The following EPHA6 variants were observed in gnomAD, a reference collection of about 807,000 sequenced individuals.
EPHA6 encodes EPH receptor A6.
A neutral mutation model predicts 112.0 loss-of-function variants in EPHA6; 50 were observed. The observed-to-expected ratio is 0.45, with a 90% confidence interval of 0.36 to 0.56. EPHA6 has a LOEUF of 0.56. Among genes scored for constraint, EPHA6 ranks in the 20% least tolerant of loss-of-function variants. The probability of loss-of-function intolerance (pLI) is 0.00; values close to 1 mark genes in which losing one functional copy is unlikely to be tolerated. For synonymous variants in EPHA6, 529 were observed against 490.7 expected (o/e 1.08, Z -1.03); for missense variants, 1,280 against 1,417.4 (o/e 0.90, Z 1.56).
At chr3:97,071,835 C>A (rs1012456122) in intron 3 of EPHA6, among the ~76,000 whole-genome samples, 1 of 151,988 alleles carries the variant, frequency 6.6e-6, no homozygotes, top group Non-Finnish European at 1.5e-5. Context: ...GAGCTCTATA[C>A]CCTGTACCCA....
chr3:97,563,548 T>C (rs978113751), intron 11 of EPHA6, among the ~76,000 whole-genome samples: 3 of 152,178 alleles, frequency 2.0e-5, no homozygotes, highest in Admixed American at 6.6e-5. Context: ...GAGAGTGACA[T>C]TATCAGATGT....
intron 2 of EPHA6, among the ~76,000 whole-genome samples, chr3:96,872,235 C>T (rs940031818): frequency 2.0e-5 from 3 of 152,006 alleles, no homozygotes; most frequent in East Asian, 1.9e-4. Context: ...GCAAAGCCAG[C>T]GTTTGTTTCT....
At chr3:97,386,803 C>T (rs2086096846) in intron 5 of EPHA6, among the ~76,000 whole-genome samples, 1 of 152,202 alleles carries the variant, frequency 6.6e-6, no homozygotes, top group Admixed American at 6.5e-5. Flanking sequence ...ATGGCTCTTC[C>T]CCTGCAACAG....
At chr3:96,922,901 G>A (rs1168846486) in intron 2 of EPHA6, among the ~76,000 whole-genome samples, 1 of 152,178 alleles carries the variant, frequency 6.6e-6, no homozygotes, top group East Asian at 1.9e-4. Flanking sequence ...AGAACATGCA[G>A]TATTTGGTTT....
chr3:96,842,798 T>G (rs529014289), intron 1 of EPHA6, among the ~76,000 whole-genome samples: 1 of 152,174 alleles, frequency 6.6e-6, no homozygotes, highest in East Asian at 1.9e-4. Context: ...AGCAGCATCA[T>G]TTTGTCCAGA....
Position 97,638,023 on chromosome 3 carries a change from T to G in EPHA6, c.2725T>G (p.Ser909Ala). ...CAATAGCAACTTAGTATGCAAAGTT[T>G]CTGATTTTGGTCTCTCCAGAGTGCT... Reference protein sequence around the residue: ...LVNSNLVCKVSDFGLSRVLED... With the variant: ...LVNSNLVCKVADFGLSRVLED... Residue 909 changes from serine to alanine, a missense_variant, in exon 14 of 18, where the codon TCT (serine) becomes GCT (alanine). Around this residue, in one of 4 missense-constraint regions of EPHA6, gnomAD observed 878 missense variants for 999.7 expected, o/e 0.88. Transcript: ENST00000389672. 1.2e-6 allele frequency: 2 copies of G among 1,613,934 alleles called. No homozygotes were observed. Among genetic ancestry groups the G allele is most frequent in the Non-Finnish European group, 1.7e-6 (2 of 1,179,848 alleles).
chr3:97,366,673 A>T (rs2084750161), intron 5 of EPHA6, among the ~76,000 whole-genome samples: 1 of 152,114 alleles, frequency 6.6e-6, no homozygotes, highest in African/African-American at 2.4e-5. Context: ...ATAATCAGAC[A>T]TGATAGTGAG....
At chr3:97,259,973 G>T (rs2079444577) in intron 5 of EPHA6, among the ~76,000 whole-genome samples, 1 of 151,914 alleles carries the variant, frequency 6.6e-6, no homozygotes, top group Admixed American at 6.6e-5. Context: ...GCTAATTTTT[G>T]TATTTTCAGT....
intron 4 of EPHA6, among the ~76,000 whole-genome samples, chr3:97,230,063 G>T (rs1173564320): frequency 6.6e-6 from 1 of 152,024 alleles, no homozygotes; most frequent in Non-Finnish European, 1.5e-5. Context: ...CTACAGTTTA[G>T]GTAGTTTGTG....
intron 6 of EPHA6, among the ~76,000 whole-genome samples, chr3:97,446,779 C>A (rs1450984531): frequency 6.6e-6 from 1 of 152,064 alleles, no homozygotes; most frequent in African/African-American, 2.4e-5. Context: ...ATTTTTTCTC[C>A]ACAATATGTG....
chr3:97,262,364 T>C (rs2079532645), intron 5 of EPHA6, among the ~76,000 whole-genome samples: 1 of 152,196 alleles, frequency 6.6e-6, no homozygotes, highest in Admixed American at 6.5e-5. Flanking sequence ...ATAAGTGTTT[T>C]TGCTATTCAT....
intron 3 of EPHA6, among the ~76,000 whole-genome samples, chr3:97,220,698 C>A (rs1402980340): frequency 2.6e-5 from 4 of 152,140 alleles, no homozygotes; most frequent in African/African-American, 9.7e-5. Context: ...TCCACGTGGT[C>A]TCTCCCTTGA....
Position 96,814,746 on chromosome 3 carries a change from G to C in EPHA6, c.123G>C (p.Ser41=). Reference sequence around the variant, plus strand: ...CCTCGTGCCCTGTTCCCGGGACCTCGCGCAGGGGGCGCCCCGGGACACCCC... The same window carrying C: ...CCTCGTGCCCTGTTCCCGGGACCTCCCGCAGGGGGCGCCCCGGGACACCCC... ...PGPSCPVPGT[S]RRGRPGTPPA... is the part of the protein sequence containing the mutation. Residue 41 remains serine (S), a synonymous_variant, in exon 1 of 18, where the codon TCG becomes TCC. Transcript: ENST00000389672. 6.3e-7 allele frequency: 1 copy of C among 1,591,374 alleles called. No individual in the cohort carries two copies. Among genetic ancestry groups the C allele is most frequent in the Non-Finnish European group, 8.6e-7 (1 of 1,167,974 alleles).
At chr3:96,880,035 G>T (rs1036600636) in intron 2 of EPHA6, among the ~76,000 whole-genome samples, 1 of 151,852 alleles carries the variant, frequency 6.6e-6, no homozygotes, top group Admixed American at 6.6e-5. Context: ...TACACTAAAA[G>T]CCCAGACTTC....
intron 2 of EPHA6, among the ~76,000 whole-genome samples, chr3:96,888,635 C>T (rs1466520846): frequency 6.6e-6 from 1 of 152,178 alleles, no homozygotes; most frequent in Non-Finnish European, 1.5e-5. Flanking sequence ...TGCAGGGCAC[C>T]AGGTCCATAG....
At chr3:97,473,546 T>C (rs1182710194) in intron 7 of EPHA6, among the ~76,000 whole-genome samples, 1 of 151,886 alleles carries the variant, frequency 6.6e-6, no homozygotes, top group African/African-American at 2.4e-5. Flanking sequence ...TATGAAACTA[T>C]ATGCCCCTGA....
intron 7 of EPHA6, among the ~76,000 whole-genome samples, chr3:97,458,886 A>G (rs1310192583): frequency 6.6e-6 from 1 of 152,178 alleles, no homozygotes; most frequent in East Asian, 1.9e-4. Flanking sequence ...TAGGAATTCA[A>G]AAACAAAAAA....
chr3:97,420,996 T>C (rs530451203), intron 6 of EPHA6, among the ~76,000 whole-genome samples: 1 of 152,266 alleles, frequency 6.6e-6, no homozygotes, highest in South Asian at 2.1e-4. Flanking sequence ...AGGCATTTCA[T>C]GTATACCATC....
chr3:97,737,454 A>T (rs1437019220), intron 16 of EPHA6, among the ~76,000 whole-genome samples: 1 of 152,100 alleles, frequency 6.6e-6, no homozygotes, highest in East Asian at 1.9e-4. Flanking sequence ...ATTTCCTAAT[A>T]ATAAGTAATA....
Sources: gnomAD v4.1 joint callset for allele counts (sites outside exome capture counted in the v4.1 genomes callset) on GRCh38, gnomAD v4.1.1 for gene constraint, gnomAD v4.1.1 regional missense constraint, MANE v1.5 for transcripts, NCBI Gene and HGNC (gene_info 2026-07-23, HGNC 2026-07-21) for gene names.